The following GTF2A1L variants were observed in gnomAD, a reference collection of about 807,000 sequenced individuals.
GTF2A1L encodes the protein TFIIA-alpha and beta-like factor.
In GTF2A1L, 48 loss-of-function variants were observed where a neutral mutation model predicts 49.7. The ratio of observed to expected loss-of-function variants is 0.97; its 90% CI spans 0.77 to 1.23. The LOEUF is 1.23. Among genes scored for constraint, GTF2A1L ranks in the 50% most tolerant of loss-of-function variants. GTF2A1L has a pLI of 0.00. For missense variants in GTF2A1L, 736 were observed against 564.8 expected, an observed-to-expected ratio of 1.30 and a Z score of -3.07; for synonymous variants, 246 against 193.5, an observed-to-expected ratio of 1.27 and a Z score of -2.25.
intron 5 of GTF2A1L, among the ~76,000 whole-genome samples, chr2:48,645,804 A>G (rs2104195575): frequency 6.6e-6 from 1 of 152,154 alleles, no homozygotes; most frequent in South Asian, 2.1e-4. Flanking sequence ...GCCGGCCACC[A>G]CGCCCGGCTA....
chr2:48,650,615 T>C (rs1677793528), intron 6 of GTF2A1L, among the ~76,000 whole-genome samples: 1 of 152,216 alleles, frequency 6.6e-6, no homozygotes, highest in African/African-American at 2.4e-5. Flanking sequence ...AGTCTCTATA[T>C]GCCATTGTGA....
chr2:48,654,014 A>G (rs1678025285), intron 6 of GTF2A1L, among the ~76,000 whole-genome samples: 1 of 152,016 alleles, frequency 6.6e-6, no homozygotes, highest in South Asian at 2.1e-4. Flanking sequence ...TTGTTAGATA[A>G]GATGATAAAC....
intron 6 of GTF2A1L, among the ~76,000 whole-genome samples, chr2:48,667,122 T>TG (rs1299144661): frequency 6.6e-6 from 1 of 151,392 alleles, no homozygotes; most frequent in Non-Finnish European, 1.5e-5. Flanking sequence ...CTAATTTTTT[T>TG]TTTTTTTTGT....
intron 4 of GTF2A1L, among the ~76,000 whole-genome samples, chr2:48,643,693 A>ATTTT (rs71399070): frequency 9.9e-5 from 12 of 120,782 alleles, no homozygotes; most frequent in Non-Finnish European, 1.6e-4. Context: ...TATTAATACA[A>ATTTT]TTTTTTTTTT....
intron 8 of GTF2A1L, among the ~76,000 whole-genome samples, chr2:48,673,953 C>A (rs926744670): frequency 1.3e-5 from 2 of 152,090 alleles, no homozygotes; most frequent in Non-Finnish European, 2.9e-5. Context: ...AGGGCAAGGT[C>A]AGAAAGACTT....
At chr2:48,652,884 G>A (rs1335652582) in intron 6 of GTF2A1L, among the ~76,000 whole-genome samples, 2 of 151,074 alleles carry the variant, frequency 1.3e-5, no homozygotes, top group South Asian at 2.1e-4. Context: ...TGGTAGACAC[G>A]GGGGTTTCAC....
At chr2:48,631,258 CT>C (rs971894941) in intron 3 of GTF2A1L, among the ~76,000 whole-genome samples, 2 of 151,926 alleles carry the variant, frequency 1.3e-5, no homozygotes, top group African/African-American at 2.4e-5. Flanking sequence ...TGGTCTGGGG[CT>C]TTTTTTGGGT....
chr2:48,676,025 A>C (rs1387357808), intron 8 of GTF2A1L, among the ~76,000 whole-genome samples: 1 of 151,946 alleles, frequency 6.6e-6, no homozygotes, highest in African/African-American at 2.4e-5. Context: ...TTCTATTAGT[A>C]GCTCCTTTTC....
At chr2:48,643,693 AT>A (rs71399070) in intron 4 of GTF2A1L, among the ~76,000 whole-genome samples, 1,522 of 120,670 alleles carry the variant, frequency 0.013, 4 homozygotes, top group African/African-American at 0.023. Context: ...TATTAATACA[AT>A]TTTTTTTTTT....
At chr2:48,675,449 G>C (rs867279974) in intron 8 of GTF2A1L, among the ~76,000 whole-genome samples, 1 of 152,000 alleles carries the variant, frequency 6.6e-6, no homozygotes, top group East Asian at 1.9e-4. Context: ...ATTAACAATT[G>C]GGGGGAAAAC....
chr2:48,626,500 T>A (rs1225665407), intron 3 of GTF2A1L, among the ~76,000 whole-genome samples: 1 of 144,678 alleles, frequency 6.9e-6, no homozygotes, highest in Non-Finnish European at 1.6e-5. Context: ...GTTATTCCAG[T>A]CCATGAACAT....
At chr2:48,675,615 A>G (rs1679427694) in intron 8 of GTF2A1L, among the ~76,000 whole-genome samples, 1 of 152,026 alleles carries the variant, frequency 6.6e-6, no homozygotes, top group Non-Finnish European at 1.5e-5. Flanking sequence ...AAGATATTAT[A>G]GCGAAAATTA....
chr2:48,669,617 G>T (rs1237484366), intron 6 of GTF2A1L, 105 bp from the exon 7 acceptor site: 9 of 1,394,494 alleles, frequency 6.5e-6, no homozygotes, highest in Non-Finnish European at 8.6e-6. Flanking sequence ...AGAGAAGTTT[G>T]CTTGAACTGA....
At chr2:48,640,415 T>C (rs1022027393) in intron 3 of GTF2A1L, among the ~76,000 whole-genome samples, 1 of 152,130 alleles carries the variant, frequency 6.6e-6, no homozygotes, top group Non-Finnish European at 1.5e-5. Flanking sequence ...CTGGAGGCTA[T>C]TATCTTCAAC....
At position 48,624,993 on chromosome 2, in the gene GTF2A1L, G is replaced by A. The variant is rs1042900462; in HGVS notation, c.247+3703G>A. 9.0e-5 allele frequency among the ~76,000 whole-genome samples: 13 copies of A among 143,930 alleles called. 4 individuals are homozygous for A. The South Asian group carries it at 3.1e-3, about 34-fold the overall frequency. The allele number at this position is 143,930 out of a possible 152,430, so 94.4% of individuals were successfully genotyped here. On this transcript the variant is annotated intron_variant, in intron 3 of 8. Coordinates refer to ENST00000403751, the MANE Select transcript of GTF2A1L (RefSeq NM_006872.5). ...ACACTTCGGTTGTTTACAAATCTTG[G>A]CTATCGTGAGTAATATTGCAATGAA...
At chr2:48,641,366 T>C (rs917517599) in intron 3 of GTF2A1L, among the ~76,000 whole-genome samples, 19 of 152,160 alleles carry the variant, frequency 1.2e-4, no homozygotes, top group Non-Finnish European at 2.6e-4. Flanking sequence ...TGTCTTAACG[T>C]GGAAGGAATG....
At position 48,620,740 on chromosome 2, in the gene GTF2A1L, G is replaced by T. The variant is rs536219273; in HGVS notation, c.22-111G>T. 4.8e-6 allele frequency: 3 copies of T among 626,944 alleles called. No individual in the cohort carries two copies. In the East Asian group the frequency reaches 2.4e-4, roughly 51 times the overall value. The allele number at this position is 626,944 out of a possible 1,614,324, so 38.8% of individuals were successfully genotyped here. Reference sequence around the variant, plus strand: ...TGCAGTGAACTGAGTTCGTGCCACCGCACTCCAGCCTGGGCAACAGAGCAT... The same window carrying T: ...TGCAGTGAACTGAGTTCGTGCCACCTCACTCCAGCCTGGGCAACAGAGCAT... On this transcript the variant is annotated intron_variant, in intron 1 of 8. Transcript: ENST00000403751.
rs566894588 is a variant in GTF2A1L at position 48,630,082 on chromosome 2, T to C, written c.247+8792T>C. 8.3e-5 allele frequency among the ~76,000 whole-genome samples: 12 copies of C among 144,758 alleles called. No homozygotes were observed. In the East Asian group the frequency reaches 2.3e-3, roughly 28 times the overall value. The allele number at this position is 144,758 out of a possible 152,430, so 95.0% of individuals were successfully genotyped here. On this transcript the variant is annotated intron_variant, in intron 3 of 8. Coordinates refer to ENST00000403751, the MANE Select transcript of GTF2A1L (RefSeq NM_006872.5). ...CAGTTGTGTTCTTTTTTGCTTATGA[T>C]TGTTTTGGCTGTTCAGGCTCCTTGT...
intron 6 of GTF2A1L, among the ~76,000 whole-genome samples, chr2:48,664,590 G>A (rs116789961): frequency 0.018 from 2,780 of 152,122 alleles, 82 homozygotes; most frequent in African/African-American, 0.062. Flanking sequence ...CTATGTATCT[G>A]TATCTCTTCT....
Sources: gnomAD v4.1 joint callset for allele counts (sites outside exome capture counted in the v4.1 genomes callset) on GRCh38, gnomAD v4.1.1 for gene constraint, MANE v1.5 for transcripts, NCBI Gene and HGNC (gene_info 2026-07-23, HGNC 2026-07-21) for gene names.